Variants in SLC3A2 observed in about 807,000 individuals in gnomAD.
SLC3A2 encodes amino acid transporter heavy chain SLC3A2.
In SLC3A2, 32 loss-of-function variants were observed where a neutral mutation model predicts 48.5. The observed-to-expected ratio is 0.66, with a 90% CI of 0.50 to 0.89. The LOEUF is 0.89. SLC3A2 is among the 40% of genes least tolerant of loss of function. The pLI, the probability that SLC3A2 is intolerant of heterozygous loss-of-function variation, is 0.00. For missense variants in SLC3A2, 587 were observed against 680.7 expected, an observed-to-expected ratio of 0.86 and a Z score of 1.53; for synonymous variants, 277 against 288.8, an observed-to-expected ratio of 0.96 and a Z score of 0.41.
chr11:62,857,376 A>C (rs1322663642), intron 1 of SLC3A2, among the ~76,000 whole-genome samples: 1 of 151,278 alleles, frequency 6.6e-6, no homozygotes, highest in Non-Finnish European at 1.5e-5. Context: ...CTCCTGCCTC[A>C]GCCTCCCAAA....
intron 1 of SLC3A2, among the ~76,000 whole-genome samples, chr11:62,872,804 G>A (rs1388654841): frequency 6.6e-6 from 1 of 152,064 alleles, no homozygotes; most frequent in Non-Finnish European, 1.5e-5. Context: ...GTTTCTCCAT[G>A]TTGGTCAGGC....
chr11:62,879,917 G>GC (rs1295570935), upstream of SLC3A2, among the ~76,000 whole-genome samples: 1 of 152,344 alleles, frequency 6.6e-6, no homozygotes, highest in East Asian at 1.9e-4. Flanking sequence ...AGTACCAGCT[G>GC]CCTCCAAGGC....
intron 5 of SLC3A2, 47 bp from the exon 6 acceptor site, chr11:62,885,130 C>T (rs202088853): frequency 6.5e-4 from 1,035 of 1,601,252 alleles, no homozygotes; most frequent in Non-Finnish European, 8.1e-4. Flanking sequence ...TGCGCCTGGC[C>T]CCATTCTTTC....
chr11:62,881,643 A>G lies in SLC3A2; in HGVS notation c.424+196A>G. 1 of 852,134 alleles carries G rather than the reference A, an allele frequency of 1.2e-6. No individual in the cohort carries two copies. The highest frequency in any genetic ancestry group is 1.7e-6 in the Non-Finnish European group (1 of 604,540). 52.8% of individuals were successfully genotyped at this position (852,134 alleles called of 1,614,324 possible). Reference sequence around the variant, plus strand: ...TTTGAAGAAAGCCGACCCGCCCCTCACTCCGTCACGAGGGTGGGTGACTCA... The same window carrying G: ...TTTGAAGAAAGCCGACCCGCCCCTCGCTCCGTCACGAGGGTGGGTGACTCA... On this transcript the variant is annotated intron_variant, in intron 1 of 8. Transcript: ENST00000338663. This position sits in a 1 kb window ranked among gnomAD's most constrained non-coding sequence, Gnocchi z 4.0.
At chr11:62,887,209 G>A (rs540764538) in intron 7 of SLC3A2, among the ~76,000 whole-genome samples, 1 of 152,284 alleles carries the variant, frequency 6.6e-6, no homozygotes, top group Admixed American at 6.5e-5. Context: ...TGCAAAAGAA[G>A]GCGGGGTAAG....
intron 1 of SLC3A2, among the ~76,000 whole-genome samples, chr11:62,875,868 G>A (rs994109702): frequency 7.2e-5 from 11 of 152,116 alleles, no homozygotes; most frequent in African/African-American, 2.4e-4. Flanking sequence ...CGCCCAGCCT[G>A]TTTGTTTGTT....
upstream of SLC3A2, among the ~76,000 whole-genome samples, chr11:62,876,112 G>A (rs2085569118): frequency 6.6e-6 from 1 of 152,202 alleles, no homozygotes; most frequent in Non-Finnish European, 1.5e-5. Context: ...TGATCCTCCT[G>A]CCTTAGCTTC....
chr11:62,884,559 G>GGGCGAGAACAGAGGGACTC, intron 4 of SLC3A2, 34 bp downstream of exon 4: 1 of 1,614,046 alleles, frequency 6.2e-7, no homozygotes. Flanking sequence ...GACAAAGCTT[G>GGGCGAGAACAGAGGGACTC]GGCGAGAACA....
exon 1 of SLC3A2, chr11:62,856,225 GC>G (rs770830633): frequency 9.3e-6 from 14 of 1,505,234 alleles, no homozygotes; most frequent in Non-Finnish European, 1.1e-5. Context: ...GTTCTGAGCT[GC>G]CCCTTGCCCA....
At chr11:62,856,823 CTTTCT>C (rs1391567834) in intron 1 of SLC3A2, among the ~76,000 whole-genome samples, 29 of 98,824 alleles carry the variant, frequency 2.9e-4, no homozygotes, top group Non-Finnish European at 4.3e-4. Context: ...ACATTTTTTT[CTTTCT>C]TTTTTTTTTT....
chr11:62,860,062 T>C (rs1468055234), intron 1 of SLC3A2, among the ~76,000 whole-genome samples: 1 of 152,086 alleles, frequency 6.6e-6, no homozygotes, highest in Non-Finnish European at 1.5e-5. Flanking sequence ...GGCAGGACTA[T>C]AGGGTAATGG....
intron 3 of SLC3A2, chr11:62,883,889 C>A: frequency 2.3e-6 from 1 of 437,150 alleles, no homozygotes; most frequent in South Asian, 1.6e-5. Flanking sequence ...GCAGCACTGG[C>A]CTCTTTTCAA....
chr11:62,856,495 T>A (rs1565239914), intron 1 of SLC3A2: 4 of 861,334 alleles, frequency 4.6e-6, no homozygotes, highest in Non-Finnish European at 7.1e-6. Flanking sequence ...TTTTCCTAAC[T>A]GGTTCCCTAT....
Position 62,881,327 on chromosome 11 carries a change from A to G in SLC3A2, c.304A>G (p.Ile102Val). 1 of 1,584,536 alleles carries G rather than the reference A, an allele frequency of 6.3e-7. No homozygotes were observed. The highest frequency in any genetic ancestry group is 2.1e-4 in the Middle Eastern group (1 of 4,860). The change falls in exon 1 of 9, where the codon ATA becomes GTA. Residue 102 changes from isoleucine to valine, a missense_variant. Physicochemically the swap from Ile to Val is conservative, Grantham distance 29. Around this residue, in one of 3 missense-constraint regions of SLC3A2, gnomAD observed 409 missense variants for 446.7 expected, o/e 0.92. Transcript: ENST00000338663. This position sits in a 1 kb window ranked among gnomAD's most constrained non-coding sequence, Gnocchi z 4.0. Reference protein sequence around the residue: ...WLGMLAGAVVIIVRAPRCREL... With the variant: ...WLGMLAGAVVVIVRAPRCREL... ...CGGCATGCTTGCTGGTGCCGTGGTC[A>G]TAATCGTGCGAGCGCCGCGTTGTCG... is the stretch of plus-strand genomic sequence containing the variant.
At chr11:62,876,057 G>T (rs2085568464), upstream of SLC3A2, among the ~76,000 whole-genome samples, 1 of 152,168 alleles carries the variant, frequency 6.6e-6, no homozygotes, top group Admixed American at 6.6e-5. Context: ...TAGAGATGGG[G>T]TCTCCCTATG....
rs771684670 is a variant in SLC3A2 at position 62,881,042 on chromosome 11, G to C, written c.19G>C (p.Val7Leu). Residue 7 changes from valine to leucine, a missense_variant, in exon 1 of 9, where the codon GTG becomes CTG. Physicochemically the swap from Val to Leu is conservative, Grantham distance 32 (BLOSUM62 1). Around this residue, in one of 3 missense-constraint regions of SLC3A2, gnomAD observed 409 missense variants for 446.7 expected, o/e 0.92. Transcript: ENST00000338663. This position sits in a 1 kb window ranked among gnomAD's most constrained non-coding sequence, Gnocchi z 4.0. ...AGGCACCATGAGCCAGGACACCGAG[G>C]TGGATATGAAGGAGGTGGAGCTGAA... Reference protein sequence around the residue: MSQDTEVDMKEVELNEL... With the variant: MSQDTELDMKEVELNEL... 1 of 1,579,456 alleles carries C rather than the reference G, an allele frequency of 6.3e-7. No homozygotes were observed. The highest frequency in any genetic ancestry group is 8.6e-7 in the Non-Finnish European group (1 of 1,160,010).
rs778701999 is a variant in SLC3A2 at position 62,885,558 on chromosome 11, T to G, written c.1093T>G (p.Phe365Val). The change falls in exon 7 of 9, where the codon TTC becomes GTC. Residue 365 changes from phenylalanine (F) to valine (V), a missense_variant. By Grantham distance (50) the Phe-to-Val change is conservative (BLOSUM62 -1). Coordinates refer to ENST00000338663, the MANE Select transcript of SLC3A2 (RefSeq NM_001013251.3). ...MLFTLPGTPV[F>V]SYGDEIGLDA... The stretch of plus-strand genomic sequence containing the variant: ...CTTCACCCTGCCAGGGACCCCTGTT[T>G]TCAGCTACGGGGATGAGATTGGCCT... 14 of 1,614,188 alleles carry G rather than the reference T, an allele frequency of 8.7e-6. No homozygotes were observed. The highest frequency in any genetic ancestry group is 1.2e-5 in the Non-Finnish European group (14 of 1,180,022).
chr11:62,867,960 C>T (rs533666172), intron 1 of SLC3A2, among the ~76,000 whole-genome samples: 5 of 150,788 alleles, frequency 3.3e-5, no homozygotes, highest in Admixed American at 1.3e-4. Flanking sequence ...TCACTCTTGT[C>T]GCCCAGGCTG....
intron 1 of SLC3A2, chr11:62,871,708 G>A (rs2085519022): frequency 3.6e-6 from 2 of 557,632 alleles, no homozygotes; most frequent in African/African-American, 4.0e-5. Flanking sequence ...TTGCTATCTG[G>A]TAGAATTTGT....
Sources: gnomAD v4.1 joint callset for allele counts (sites outside exome capture counted in the v4.1 genomes callset) on GRCh38, gnomAD v4.1.1 for gene constraint, gnomAD v4.1.1 regional missense constraint, Gnocchi (gnomAD v3.1) non-coding constraint, MANE v1.5 for transcripts, NCBI Gene and HGNC (gene_info 2026-07-23, HGNC 2026-07-21) for gene names.